Variants in UMAD1 observed in about 807,000 individuals in gnomAD.
The protein encoded by UMAD1 is UBAP1-MVB12-associated (UMA)-domain containing protein 1.
In UMAD1, 8 loss-of-function variants were observed where a neutral mutation model predicts 6.1. The observed-to-expected ratio is 1.30, with a 90% CI of 0.76 to 2.35. The LOEUF (loss-of-function observed/expected upper bound fraction) is 2.35, where lower values mean the gene tolerates loss of function less well. UMAD1 is among the 30% of genes most tolerant of loss of function. The pLI, the probability that UMAD1 is intolerant of heterozygous loss-of-function variation, is 0.00. For missense variants in UMAD1, 130 were observed against 78.4 expected (o/e 1.66, Z -2.49); for synonymous variants, 56 against 31.4 (o/e 1.78, Z -2.61).
intron 2 of UMAD1, chr7:7,738,475 C>T (rs1055703899): frequency 2.6e-5 from 4 of 152,170 alleles, no homozygotes; most frequent in African/African-American, 9.7e-5. Flanking sequence ...TAAGTTGTTG[C>T]ATTAATATAA....
At chr7:7,779,523 G>T (rs536437809) in intron 2 of UMAD1, among the ~76,000 whole-genome samples, 22 of 152,214 alleles carry the variant, frequency 1.4e-4, no homozygotes, top group African/African-American at 5.1e-4. Context: ...CTCCCACTTT[G>T]TTTTCCCAAA....
chr7:7,720,934 G>A (rs757646953), intron 2 of UMAD1, among the ~76,000 whole-genome samples: 14 of 152,160 alleles, frequency 9.2e-5, no homozygotes, highest in South Asian at 2.1e-4. Context: ...TTAAGATGAG[G>A]TCATACTCAT....
At chr7:7,711,086 G>T (rs1780751384) in intron 2 of UMAD1, among the ~76,000 whole-genome samples, 1 of 152,180 alleles carries the variant, frequency 6.6e-6, no homozygotes, top group African/African-American at 2.4e-5. Context: ...GGATAACACT[G>T]GGGATTCTGG....
intron 2 of UMAD1, among the ~76,000 whole-genome samples, chr7:7,775,167 C>A (rs1583815653): frequency 6.6e-6 from 1 of 152,288 alleles, no homozygotes; most frequent in South Asian, 2.1e-4. Flanking sequence ...AGTATGGCTT[C>A]TGTCTGTTCA....
intron 2 of UMAD1, among the ~76,000 whole-genome samples, chr7:7,726,483 G>A (rs1215614764): frequency 1.3e-5 from 2 of 152,166 alleles, no homozygotes; most frequent in East Asian, 3.9e-4. Context: ...CACTTTACAG[G>A]GCTGACGCAA....
intron 3 of UMAD1, among the ~76,000 whole-genome samples, chr7:7,832,185 A>G (rs568220798): frequency 4.6e-5 from 7 of 152,352 alleles, no homozygotes; most frequent in Admixed American, 1.3e-4. Flanking sequence ...TCTTCATACC[A>G]TAGCATTGTA....
Position 7,741,583 on chromosome 7 carries a change from AT to A in UMAD1, c.83-60086del, listed in dbSNP as rs879916700. 2.1e-3 allele frequency among the ~76,000 whole-genome samples: 155 copies of A among 74,106 alleles called. 1 individual carries two copies. Among genetic ancestry groups the A allele is most frequent in the South Asian group, 6.1e-3 (17 of 2,796 alleles). 48.6% of individuals were successfully genotyped at this position (74,106 alleles called of 152,430 possible). A position where few individuals can be genotyped will look rare whatever the true frequency, so the allele number is the denominator to read the frequency against. On this transcript the variant is annotated intron_variant, in intron 2 of 3. Transcript: ENST00000682710. ...CAGAGCGAGACAACGTCTCAAAATA[AT>A]AATAATAATAATAATAATAATAATA...
intron 3 of UMAD1, among the ~76,000 whole-genome samples, chr7:7,874,994 G>A (rs1030496057): frequency 2.2e-4 from 34 of 152,062 alleles, no homozygotes; most frequent in Non-Finnish European, 4.3e-4. Context: ...GGCTGGTCTC[G>A]AACTCCCGAC....
At chr7:7,678,285 G>A (rs1779799052) in intron 2 of UMAD1, among the ~76,000 whole-genome samples, 2 of 151,304 alleles carry the variant, frequency 1.3e-5, no homozygotes, top group Admixed American at 6.6e-5. Context: ...CATTTTAACT[G>A]GGTTGAGATG....
rs1784268007 is a variant in UMAD1, at chr7:7,868,194, T to A, written c.157-9087T>A. 2.0e-5 allele frequency: 3 copies of A among 152,284 alleles called. No individual in the cohort carries two copies. The South Asian group carries it at 6.2e-4, about 32-fold the overall frequency. The allele number at this position is 152,284 out of a possible 1,614,324, so 9.4% of individuals were successfully genotyped here. A position where few individuals can be genotyped will look rare whatever the true frequency, so the allele number is the denominator to read the frequency against. On this transcript the variant is annotated intron_variant, in intron 3 of 3. Transcript: ENST00000682710. ...TATAAAGCAACTTTAAAACAATTTT[T>A]AAAAAATCACTGAAACAGCCTTTTG...
intron 2 of UMAD1, among the ~76,000 whole-genome samples, chr7:7,800,194 T>G (rs1325454383): frequency 6.6e-6 from 1 of 152,260 alleles, no homozygotes; most frequent in Non-Finnish European, 1.5e-5. Context: ...TGTCACAGTT[T>G]TACCATCAAC....
intron 3 of UMAD1, among the ~76,000 whole-genome samples, chr7:7,850,974 T>C (rs1355531039): frequency 6.6e-6 from 1 of 152,160 alleles, no homozygotes; most frequent in Non-Finnish European, 1.5e-5. Flanking sequence ...AATACTTCTT[T>C]TATGAGTCTA....
chr7:7,738,134 CAGT>C (rs750375342), intron 2 of UMAD1, among the ~76,000 whole-genome samples: 2 of 152,072 alleles, frequency 1.3e-5, no homozygotes, highest in Non-Finnish European at 2.9e-5. Context: ...GAATATTAAA[CAGT>C]AGTTATTAAA....
intron 2 of UMAD1, among the ~76,000 whole-genome samples, chr7:7,687,863 A>G (rs1780076850): frequency 6.6e-6 from 1 of 152,226 alleles, no homozygotes; most frequent in Non-Finnish European, 1.5e-5. Flanking sequence ...TCAAATAACT[A>G]AGCTGTAAAT....
intron 3 of UMAD1, among the ~76,000 whole-genome samples, chr7:7,846,256 C>A (rs996821995): frequency 6.6e-6 from 1 of 152,060 alleles, no homozygotes; most frequent in Non-Finnish European, 1.5e-5. Flanking sequence ...CTCATAGTGT[C>A]CATTTTATCT....
At chr7:7,753,604 T>A (rs1284846444) in intron 2 of UMAD1, among the ~76,000 whole-genome samples, 1 of 152,166 alleles carries the variant, frequency 6.6e-6, no homozygotes, top group Non-Finnish European at 1.5e-5. Flanking sequence ...TAACTGGGTG[T>A]CATTCTTTCT....
chr7:7,861,612 G>A (rs6965873), intron 3 of UMAD1, among the ~76,000 whole-genome samples: 52,783 of 151,962 alleles, frequency 0.35, 10,879 homozygotes, highest in African/African-American at 0.57. Flanking sequence ...TCTGTACTCA[G>A]TTTGGTATGA....
chr7:7,812,801 C>T (rs372521497), intron 3 of UMAD1, among the ~76,000 whole-genome samples: 5 of 143,784 alleles, frequency 3.5e-5, no homozygotes, highest in Admixed American at 6.9e-5. Context: ...ACACAGCCAT[C>T]TTTTTTTTTT....
At chr7:7,646,757 C>T (rs1327858820) in intron 1 of UMAD1, among the ~76,000 whole-genome samples, 1 of 151,914 alleles carries the variant, frequency 6.6e-6, no homozygotes, top group Non-Finnish European at 1.5e-5. Context: ...TCTGACCGTC[C>T]CCAGCCAAAC....
Sources: gnomAD v4.1 joint callset for allele counts (sites outside exome capture counted in the v4.1 genomes callset) on GRCh38, gnomAD v4.1.1 for gene constraint, MANE v1.5 for transcripts, NCBI Gene and HGNC (gene_info 2026-07-23, HGNC 2026-07-21) for gene names.